Variants in LAMA2 observed in about 807,000 individuals in gnomAD.
The protein encoded by LAMA2 is laminin subunit alpha-2.
LAMA2 carries 269 observed loss-of-function variants against 364.8 expected under a neutral mutation model. That is an observed-to-expected ratio of 0.74 (90% CI 0.67 to 0.82). The LOEUF (loss-of-function observed/expected upper bound fraction) is 0.82, where lower values mean the gene tolerates loss of function less well. LAMA2 is among the 40% of genes least tolerant of loss of function. LAMA2 has a pLI of 0.00. For missense variants in LAMA2, 3,807 were observed against 3,873.2 expected (o/e 0.98, Z 0.45); for synonymous variants, 1,379 against 1,370.6 (o/e 1.01, Z -0.14).
intron 9 of LAMA2, among the ~76,000 whole-genome samples, chr6:129,172,914 C>A (rs777491571): frequency 6.6e-6 from 1 of 152,170 alleles, no homozygotes; most frequent in Non-Finnish European, 1.5e-5. Context: ...CGCAGTATTC[C>A]GGTGGGAGTG....
At chr6:129,483,219 A>G (rs547810222) in intron 55 of LAMA2, among the ~76,000 whole-genome samples, 50 of 131,424 alleles carry the variant, frequency 3.8e-4, no homozygotes, top group Non-Finnish European at 6.8e-4. Context: ...TTCCTTAGCC[A>G]TCTATAAAAA....
intron 8 of LAMA2, among the ~76,000 whole-genome samples, chr6:129,165,135 A>G (rs1323510409): frequency 1.3e-5 from 2 of 151,926 alleles, no homozygotes; most frequent in African/African-American, 4.8e-5. Context: ...CTAGATATAT[A>G]TACATATGAA....
At chr6:129,018,489 T>C (rs1785215333) in intron 1 of LAMA2, among the ~76,000 whole-genome samples, 1 of 150,320 alleles carries the variant, frequency 6.7e-6, no homozygotes, top group South Asian at 2.1e-4. Flanking sequence ...CTTCAATAAA[T>C]ATGTAAGTAC....
rs187449449 is a variant in LAMA2, at chr6:129,263,995, C to A, written c.2209-3111C>A. Reference sequence around the variant, plus strand: ...CTGAGCTCAAGCAATCCTCCCACCTCAGCCTCCCAAAGTTCTGGGGTTACA... The same window carrying A: ...CTGAGCTCAAGCAATCCTCCCACCTAAGCCTCCCAAAGTTCTGGGGTTACA... On this transcript the variant is annotated intron_variant, in intron 15 of 64. Coordinates refer to ENST00000421865, the MANE Select transcript of LAMA2 (RefSeq NM_000426.4). 6.0e-4 allele frequency among the ~76,000 whole-genome samples: 91 copies of A among 152,294 alleles called. 1 individual carries two copies. The highest frequency in any genetic ancestry group is 2.1e-3 in the African/African-American group (89 of 41,572).
At chr6:129,359,559 GA>G (rs576338755) in intron 32 of LAMA2, among the ~76,000 whole-genome samples, 128 of 135,044 alleles carry the variant, frequency 9.5e-4, no homozygotes, top group African/African-American at 3.4e-3. Flanking sequence ...TTTTGAAGGG[GA>G]AAAAGGGAAG....
chr6:129,051,693 GATCGATCTATAGATATCT>G, intron 2 of LAMA2, among the ~76,000 whole-genome samples: 1 of 117,316 alleles, frequency 8.5e-6, no homozygotes, highest in African/African-American at 2.9e-5. Context: ...TATATCTATA[GATCGATCTATAGATATCT>G]ATATCTATAG....
intron 8 of LAMA2, among the ~76,000 whole-genome samples, chr6:129,156,014 T>C (rs1443246104): frequency 1.3e-5 from 2 of 151,904 alleles, no homozygotes; most frequent in African/African-American, 4.8e-5. Context: ...TTGAAGATAT[T>C]TATTGTACAG....
intron 9 of LAMA2, among the ~76,000 whole-genome samples, chr6:129,171,581 G>A (rs1246394345): frequency 1.3e-5 from 2 of 151,928 alleles, no homozygotes; most frequent in South Asian, 2.1e-4. Context: ...AGGGTAACCC[G>A]ACCTTTCTCT....
chr6:129,204,476 T>C lies in LAMA2; in HGVS notation c.1782+11623T>C, dbSNP rs1170641451. Among the ~76,000 whole-genome samples, 5 of 124,530 alleles carry C rather than the reference T, an allele frequency of 4.0e-5. No individual in the cohort carries two copies. The South Asian group carries it at 1.1e-3, about 26-fold the overall frequency. 81.7% of individuals were successfully genotyped at this position (124,530 alleles called of 152,430 possible). A position where few individuals can be genotyped will look rare whatever the true frequency, so the allele number is the denominator to read the frequency against. ...TAACGCAATATGACTGGTATCCTTA[T>C]GAAAAAAAAAAAAAAGGACAATTTG... On this transcript the variant is annotated intron_variant, in intron 12 of 64. Transcript: ENST00000421865.
intron 3 of LAMA2, among the ~76,000 whole-genome samples, chr6:129,061,572 T>C (rs539626698): frequency 3.3e-5 from 5 of 152,344 alleles, no homozygotes; most frequent in African/African-American, 1.2e-4. Context: ...AGCCTATTTT[T>C]CAGTGATGTC....
chr6:129,223,060 T>C (rs146343392), intron 12 of LAMA2, among the ~76,000 whole-genome samples: 154 of 152,300 alleles, frequency 1.0e-3, no homozygotes, highest in African/African-American at 3.4e-3. Context: ...TGGTATCTCA[T>C]TGTGGTTTTG....
intron 10 of LAMA2, among the ~76,000 whole-genome samples, chr6:129,180,936 G>A (rs1780888548): frequency 6.6e-6 from 1 of 152,070 alleles, no homozygotes; most frequent in African/African-American, 2.4e-5. Context: ...TGGACCCACA[G>A]ACGGAAATTG....
chr6:128,967,495 A>C (rs1414001528), intron 1 of LAMA2, among the ~76,000 whole-genome samples: 1 of 152,154 alleles, frequency 6.6e-6, no homozygotes, highest in East Asian at 1.9e-4. Context: ...CATACTCCTG[A>C]CCAGCATTTA....
At chr6:129,402,050 AT>A in intron 38 of LAMA2, among the ~76,000 whole-genome samples, 1 of 152,108 alleles carries the variant, frequency 6.6e-6, no homozygotes, top group East Asian at 1.9e-4. Context: ...TCTATTAAAT[AT>A]TCAAAAAATT....
chr6:129,277,618 A>C (rs893387050), intron 17 of LAMA2, among the ~76,000 whole-genome samples: 1 of 152,196 alleles, frequency 6.6e-6, no homozygotes, highest in Non-Finnish European at 1.5e-5. Context: ...TATCACATTA[A>C]GAATCTAAAG....
chr6:129,473,189 G>A (rs746995071), intron 51 of LAMA2, 25 bp from the exon 52 acceptor site: 2 of 1,553,062 alleles, frequency 1.3e-6, no homozygotes, highest in African/African-American at 1.4e-5. Flanking sequence ...CAAATAAAAT[G>A]TTAAACTTTC....
chr6:128,989,590 A>G (rs981371727), intron 1 of LAMA2, among the ~76,000 whole-genome samples: 1 of 152,196 alleles, frequency 6.6e-6, no homozygotes, highest in African/African-American at 2.4e-5. Context: ...ATTTGAGATA[A>G]AGCATACAAA....
In LAMA2 at chr6:129,300,860, C is replaced by T; in HGVS notation, c.3162C>T (p.Thr1054=). ...CCAATACCTGGGGCCACAGCATTAC[C>T]ACTGGTTGTAAGGTGAGTGAACCAC... ...CAPNTWGHSI[T]TGCKACNCST... The change falls in exon 22 of 65, where the codon ACC becomes ACT. Residue 1054 remains threonine (T), a synonymous_variant. Coordinates refer to ENST00000421865, the MANE Select transcript of LAMA2 (RefSeq NM_000426.4). 1.2e-6 allele frequency: 2 copies of T among 1,613,698 alleles called. No homozygotes were observed. The highest frequency in any genetic ancestry group is 1.7e-6 in the Non-Finnish European group (2 of 1,179,708).
chr6:129,009,838 G>A (rs905247216), intron 1 of LAMA2, among the ~76,000 whole-genome samples: 2 of 152,134 alleles, frequency 1.3e-5, no homozygotes, highest in East Asian at 1.9e-4. Context: ...CATGGCTCTG[G>A]AGAACAATTA....
Sources: allele counts gnomAD v4.1 joint callset (sites outside exome capture counted in the v4.1 genomes callset), GRCh38; gene constraint gnomAD v4.1.1; transcripts MANE v1.5; gene names NCBI Gene and HGNC (gene_info 2026-07-23, HGNC 2026-07-21).